JMJD1C: variants seen among roughly 807,000 people sequenced by gnomAD.
JMJD1C encodes the protein jumonji domain-containing protein 1C.
JMJD1C carries 31 observed loss-of-function variants against 245.3 expected under a neutral mutation model. The observed-to-expected ratio is 0.13, with a 90% CI of 0.09 to 0.17. The LOEUF is 0.17. Among genes scored for constraint, JMJD1C ranks in the 10% least tolerant of loss-of-function variants. The pLI, the probability that JMJD1C is intolerant of heterozygous loss-of-function variation, is 1.00. For missense variants in JMJD1C, 2,691 were observed against 3,000.2 expected (o/e 0.90, Z 2.41); for synonymous variants, 1,057 against 1,017.4 (o/e 1.04, Z -0.74).
intron 1 of JMJD1C, among the ~76,000 whole-genome samples, chr10:63,478,410 A>G (rs1235932281): frequency 1.3e-5 from 2 of 152,238 alleles, no homozygotes; most frequent in East Asian, 1.9e-4. Flanking sequence ...GGAAACAGGC[A>G]AACTATGGAG....
intron 3 of JMJD1C, among the ~76,000 whole-genome samples, chr10:63,261,506 G>T (rs1001287607): frequency 6.6e-6 from 1 of 152,002 alleles, no homozygotes; most frequent in Non-Finnish European, 1.5e-5. Context: ...TCTTGAAACC[G>T]GGAGGCGGAG....
chr10:63,430,990 T>C (rs1285575817), intron 1 of JMJD1C, among the ~76,000 whole-genome samples: 1 of 152,158 alleles, frequency 6.6e-6, no homozygotes, highest in South Asian at 2.1e-4. Flanking sequence ...CCCAAAGTGT[T>C]AGGAGTATAG....
intron 2 of JMJD1C, among the ~76,000 whole-genome samples, chr10:63,293,099 A>AT (rs2133950941): frequency 6.6e-6 from 1 of 152,256 alleles, no homozygotes; most frequent in African/African-American, 2.4e-5. Context: ...CTAGCCAAGT[A>AT]TTTTCCCCAG....
intron 22 of JMJD1C, 70 bp downstream of exon 22, chr10:63,183,377 T>C (rs1350066181): frequency 7.3e-7 from 1 of 1,372,098 alleles, no homozygotes; most frequent in Non-Finnish European, 9.9e-7. Flanking sequence ...GAAGCTGATA[T>C]TCTGGACAAT....
At chr10:63,314,909 A>G (rs1304270863) in intron 2 of JMJD1C, among the ~76,000 whole-genome samples, 1 of 151,476 alleles carries the variant, frequency 6.6e-6, no homozygotes, top group African/African-American at 2.4e-5. Context: ...TCGGCCTCCC[A>G]AAGTGCTGGG....
intron 2 of JMJD1C, among the ~76,000 whole-genome samples, chr10:63,284,760 A>C (rs1353313422): frequency 1.3e-5 from 2 of 152,142 alleles, no homozygotes; most frequent in Non-Finnish European, 2.9e-5. Context: ...CAATTATTAC[A>C]GTTCAGAGTT....
At chr10:63,488,281 A>G (rs1954061180) in intron 1 of JMJD1C, among the ~76,000 whole-genome samples, 1 of 152,248 alleles carries the variant, frequency 6.6e-6, no homozygotes, top group African/African-American at 2.4e-5. Flanking sequence ...GTGGTGATCC[A>G]TCAGACCAGA....
intron 1 of JMJD1C, among the ~76,000 whole-genome samples, chr10:63,421,706 C>T (rs1267320901): frequency 6.6e-6 from 1 of 152,126 alleles, no homozygotes; most frequent in African/African-American, 2.4e-5. Flanking sequence ...ATGGGTGAGA[C>T]CCTGAAGTGA....
At chr10:63,441,438 A>G (rs952536361) in intron 1 of JMJD1C, among the ~76,000 whole-genome samples, 4 of 152,208 alleles carry the variant, frequency 2.6e-5, no homozygotes, top group African/African-American at 4.8e-5. Flanking sequence ...TGAACTTACA[A>G]AGTTTCCATG....
intron 1 of JMJD1C, among the ~76,000 whole-genome samples, chr10:63,408,264 G>A (rs1949283276): frequency 6.6e-6 from 1 of 152,104 alleles, no homozygotes; most frequent in Middle Eastern, 3.4e-3. Flanking sequence ...TTAGCTGGGC[G>A]TGGAGGCGGG....
chr10:63,203,644 A>T, intron 10 of JMJD1C: 1 of 976,354 alleles, frequency 1.0e-6, no homozygotes, highest in Non-Finnish European at 1.2e-6. Flanking sequence ...CATAAAAATT[A>T]GTGGAGAAAA....
intron 1 of JMJD1C, among the ~76,000 whole-genome samples, chr10:63,392,997 C>A (rs1353088098): frequency 6.6e-6 from 1 of 151,102 alleles, no homozygotes; most frequent in Admixed American, 6.6e-5. Context: ...CCAGGAGCAG[C>A]GGCCCATGCC....
At chr10:63,496,194 G>C (rs1954361830) in intron 1 of JMJD1C, among the ~76,000 whole-genome samples, 1 of 151,804 alleles carries the variant, frequency 6.6e-6, no homozygotes, top group South Asian at 2.1e-4. Flanking sequence ...AAAACTACAG[G>C]ATAAATAACT....
intron 2 of JMJD1C, among the ~76,000 whole-genome samples, chr10:63,302,519 G>A (rs1354055012): frequency 6.6e-6 from 1 of 152,170 alleles, no homozygotes; most frequent in Non-Finnish European, 1.5e-5. Flanking sequence ...CCATTTATAA[G>A]AGGCAAGTTG....
intron 13 of JMJD1C, 155 bp from the exon 14 acceptor site, chr10:63,194,530 C>A: frequency 1.8e-6 from 1 of 542,142 alleles, no homozygotes; most frequent in South Asian, 2.6e-5. Context: ...AATAAAATGT[C>A]AATGATATGC....
chr10:63,270,145 C>A (rs1489366851), intron 2 of JMJD1C, among the ~76,000 whole-genome samples: 1 of 152,078 alleles, frequency 6.6e-6, no homozygotes, highest in African/African-American at 2.4e-5. Context: ...TTCTACTGGA[C>A]AAGAATGCTC....
chr10:63,213,211 T>C (rs1276107579), intron 8 of JMJD1C, among the ~76,000 whole-genome samples: 1 of 145,504 alleles, frequency 6.9e-6, no homozygotes, highest in South Asian at 2.1e-4. Flanking sequence ...AAAAAGAAAA[T>C]ATACCAAAAA....
At chr10:63,480,010 C>T (rs1022565721) in intron 1 of JMJD1C, among the ~76,000 whole-genome samples, 43 of 152,120 alleles carry the variant, frequency 2.8e-4, no homozygotes, top group African/African-American at 9.4e-4. Context: ...TAATTTGTTC[C>T]AGTTTTCTGA....
At chr10:63,170,257 G>A (rs556878745) in intron 24 of JMJD1C, among the ~76,000 whole-genome samples, 3 of 152,120 alleles carry the variant, frequency 2.0e-5, no homozygotes, top group Non-Finnish European at 2.9e-5. Flanking sequence ...GGCTTCCCGG[G>A]GAAGGTTTTT....
Sources: allele counts gnomAD v4.1 joint callset (sites outside exome capture counted in the v4.1 genomes callset), GRCh38; gene constraint gnomAD v4.1.1; transcripts MANE v1.5; gene names NCBI Gene and HGNC (gene_info 2026-07-23, HGNC 2026-07-21).